SYCP2L: variants seen among roughly 807,000 people sequenced by gnomAD.
The protein encoded by SYCP2L is synaptonemal complex protein 2-like.
In SYCP2L, 98 loss-of-function variants were observed where a neutral mutation model predicts 125.8. The observed-to-expected ratio is 0.78, with a 90% CI of 0.66 to 0.92. The LOEUF is 0.92. SYCP2L is among the 40% of genes least tolerant of loss of function. The pLI is 0.00. For synonymous variants in SYCP2L, 317 were observed against 325.4 expected, an observed-to-expected ratio of 0.97 and a Z score of 0.28; for missense variants, 842 against 936.4, an observed-to-expected ratio of 0.90 and a Z score of 1.32.
intron 18 of SYCP2L, 129 bp from the exon 19 acceptor site, chr6:10,930,236 TTTATA>T: frequency 1.2e-6 from 1 of 863,364 alleles, no homozygotes; most frequent in Non-Finnish European, 1.7e-6. Flanking sequence ...CTTCTTTGCT[TTTATA>T]TTATATAAGA....
chr6:10,928,833 C>T (rs1780941815), intron 18 of SYCP2L, among the ~76,000 whole-genome samples: 1 of 151,190 alleles, frequency 6.6e-6, no homozygotes, highest in Non-Finnish European at 1.5e-5. Context: ...CCACCATGCC[C>T]CATCAGCCAT....
rs551586451 is a variant in SYCP2L at position 10,969,055 on chromosome 6, ATTATT to A, written c.*38-4894_*38-4890del. Among the ~76,000 whole-genome samples, 127 of 152,314 alleles carry A rather than the reference ATTATT, an allele frequency of 8.3e-4. 1 individual carries two copies. Among genetic ancestry groups the A allele is most frequent in the African/African-American group, 2.9e-3 (121 of 41,576 alleles). ...TCCCACTCAGTTGGATTCTTTGAATATTATTTTGTTCATTCTCACAGCATTTAATA... is the reference window on the plus strand; with the variant it reads ...TCCCACTCAGTTGGATTCTTTGAATATTGTTCATTCTCACAGCATTTAATA... On this transcript the variant is annotated intron_variant, in intron 29 of 29. Transcript: ENST00000283141.
rs1483290050 is a variant in SYCP2L, at chr6:10,958,827, A to G, written c.2207A>G (p.Lys736Arg). ...CCGTTTAATTCAGAAAATGCAAAGA[A>G]AGCACCGGATTGCCTAATAAAACTT... ...KRPFNSENAK[K>R]APDCLIKLLN... The change falls in exon 26 of 30, where the codon AAA becomes AGA. Residue 736 changes from lysine to arginine, a missense_variant. By Grantham distance (26) the Lys-to-Arg change is conservative. Coordinates refer to ENST00000283141, the MANE Select transcript of SYCP2L (RefSeq NM_001040274.3). 4 of 1,613,768 alleles carry G rather than the reference A, an allele frequency of 2.5e-6. No individual in the cohort carries two copies. The South Asian group carries it at 4.4e-5, about 18-fold the overall frequency.
chr6:10,963,649 G>A, intron 28 of SYCP2L, 133 bp from the exon 29 acceptor site: 1 of 779,802 alleles, frequency 1.3e-6, no homozygotes, highest in East Asian at 2.8e-5. Flanking sequence ...AATATCCTGG[G>A]GTGTTGGTGT....
Position 10,891,523 on chromosome 6 carries a change from A to G in SYCP2L, c.20A>G (p.Asp7Gly). 6.3e-7 allele frequency: 1 copy of G among 1,598,676 alleles called. No individual in the cohort carries two copies. The highest frequency in any genetic ancestry group is 8.5e-7 in the Non-Finnish European group (1 of 1,172,094). Residue 7 changes from aspartate (D) to glycine (G), a missense_variant, in exon 2 of 30, where the codon GAT (aspartate) becomes GGT (glycine). Asp to Gly is a moderately conservative substitution (Grantham distance 94). Coordinates refer to ENST00000283141, the MANE Select transcript of SYCP2L (RefSeq NM_001040274.3). ...TTTTATTCCACACAGAAAAACAAAG[A>G]TGCTTTGCAGCCTATTAAGGAAGAC... is the stretch of plus-strand genomic sequence containing the variant. MQAKNK[D>G]ALQPIKEDRT...
intron 1 of SYCP2L, among the ~76,000 whole-genome samples, chr6:10,889,881 A>G (rs796429187): frequency 5.3e-5 from 8 of 152,108 alleles, no homozygotes; most frequent in African/African-American, 1.9e-4. Context: ...CGGCCACCCA[A>G]AGTGCTGGGA....
chr6:10,957,892 A>G (rs1781528053), intron 25 of SYCP2L, among the ~76,000 whole-genome samples: 2 of 152,188 alleles, frequency 1.3e-5, no homozygotes, highest in Non-Finnish European at 2.9e-5. Flanking sequence ...GAGTGGTGGC[A>G]GACCTTTGAG....
intron 9 of SYCP2L, among the ~76,000 whole-genome samples, chr6:10,907,300 G>A (rs1780515050): frequency 6.6e-6 from 1 of 151,508 alleles, no homozygotes; most frequent in Non-Finnish European, 1.5e-5. Context: ...TCGAGATTGG[G>A]CCACTGCACT....
intron 28 of SYCP2L, among the ~76,000 whole-genome samples, chr6:10,962,939 C>T (rs568124103): frequency 2.2e-4 from 34 of 152,282 alleles, no homozygotes; most frequent in Non-Finnish European, 3.8e-4. Flanking sequence ...TTTGACTTCA[C>T]AGAACCTTTG....
At chr6:10,898,971 G>T in intron 6 of SYCP2L, 123 bp downstream of exon 6, 1 of 687,540 alleles carries the variant, frequency 1.5e-6, no homozygotes, top group South Asian at 1.6e-5. Flanking sequence ...TGGATTTATT[G>T]ACCACCTTAT....
At chr6:10,892,122 TG>T (rs1780184707) in intron 2 of SYCP2L, among the ~76,000 whole-genome samples, 1 of 152,068 alleles carries the variant, frequency 6.6e-6, no homozygotes, top group Non-Finnish European at 1.5e-5. Flanking sequence ...TGGAAAGTGG[TG>T]GGGTGAAGTA....
rs561915526 is a variant in SYCP2L at position 10,887,070 on chromosome 6, C to T, written c.-57C>T. On this transcript the variant is annotated 5_prime_UTR_variant, in exon 1 of 30. Coordinates refer to ENST00000283141, the MANE Select transcript of SYCP2L (RefSeq NM_001040274.3). ...CTTGGGCGGGGAAGCAGGAGAGGGC[C>T]GACCGAGCGCAACAAAGCTGAGCGG... is the stretch of plus-strand genomic sequence containing the variant. 1.0e-4 allele frequency: 168 copies of T among 1,612,554 alleles called. No homozygotes were observed. The East Asian group carries it at 3.3e-3, about 31-fold the overall frequency.
chr6:10,907,892 G>GTTTTTTTTTGTTTGTT lies in SYCP2L; in HGVS notation c.819+217_819+218insGTTTGTTTTTTTTTTT, dbSNP rs1554105092. 6.5e-5 allele frequency among the ~76,000 whole-genome samples: 6 copies of GTTTTTTTTTGTTTGTT among 91,922 alleles called. 1 individual carries two copies. The highest frequency in any genetic ancestry group is 1.7e-4 in the African/African-American group (4 of 24,114). 60.3% of individuals were successfully genotyped at this position (91,922 alleles called of 152,430 possible). A position where few individuals can be genotyped will look rare whatever the true frequency, so the allele number is the denominator to read the frequency against. ...GAGCTAGATATAGGGATACAGATAGGTTTTTTTTTTTTTTTTTTGACAGAG... is the reference window on the plus strand; with the variant it reads ...GAGCTAGATATAGGGATACAGATAGGTTTTTTTTTGTTTGTTTTTTTTTTTTTTTTTTTTGACAGAG... On this transcript the variant is annotated intron_variant, in intron 10 of 29. Transcript: ENST00000283141.
intron 28 of SYCP2L, among the ~76,000 whole-genome samples, chr6:10,962,377 GATGACTGT>G: frequency 6.9e-6 from 1 of 144,760 alleles, no homozygotes. Context: ...AGTTAATGAT[GATGACTGT>G]ATGAACCATT....
At chr6:10,968,738 C>T (rs1374215746) in intron 29 of SYCP2L, among the ~76,000 whole-genome samples, 9 of 152,100 alleles carry the variant, frequency 5.9e-5, no homozygotes, top group Non-Finnish European at 8.8e-5. Context: ...AGGAGATGTA[C>T]GCACAGCATC....
At chr6:10,909,510 G>A (rs1383252894) in intron 10 of SYCP2L, among the ~76,000 whole-genome samples, 2 of 152,164 alleles carry the variant, frequency 1.3e-5, no homozygotes, top group East Asian at 3.8e-4. Flanking sequence ...AAGGAGTGTT[G>A]ACTGCAACAG....
chr6:10,933,174 A>C (rs1351129483), intron 20 of SYCP2L, among the ~76,000 whole-genome samples: 1 of 152,220 alleles, frequency 6.6e-6, no homozygotes, highest in African/African-American at 2.4e-5. Context: ...TTCTCTCTGT[A>C]TAAGAGAATA....
intron 24 of SYCP2L, 110 bp downstream of exon 24, chr6:10,955,327 C>T (rs187542382): frequency 2.0e-4 from 122 of 622,798 alleles, no homozygotes; most frequent in Non-Finnish European, 3.1e-4. Context: ...ATCATAGTAG[C>T]TACAAAATCC....
At chr6:10,959,836 T>G (rs1381426782) in intron 26 of SYCP2L, among the ~76,000 whole-genome samples, 1 of 139,940 alleles carries the variant, frequency 7.1e-6, no homozygotes, top group African/African-American at 2.6e-5. Context: ...GCCATTGCAC[T>G]CCAGCCTGGG....
Sources: gnomAD v4.1 joint callset for allele counts (sites outside exome capture counted in the v4.1 genomes callset) on GRCh38, gnomAD v4.1.1 for gene constraint, MANE v1.5 for transcripts, NCBI Gene and HGNC (gene_info 2026-07-23, HGNC 2026-07-21) for gene names.